The following GRK3 variants were observed in gnomAD, a reference collection of about 807,000 sequenced individuals.
GRK3 encodes the protein G protein-coupled receptor kinase 3, also known as adrenergic, beta, receptor kinase 2.
In GRK3, 54 loss-of-function variants were observed where a neutral mutation model predicts 95.7. The observed-to-expected ratio is 0.56, with a 90% confidence interval of 0.45 to 0.71. The LOEUF is 0.71. Ranked by LOEUF, GRK3 falls within the 30% of genes least tolerant of loss-of-function variation. The pLI, the probability that GRK3 is intolerant of heterozygous loss-of-function variation, is 0.00. For missense variants in GRK3, 649 were observed against 851.2 expected (o/e 0.76, Z 2.96); for synonymous variants, 281 against 290.8 (o/e 0.97, Z 0.34).
chr22:25,586,276 G>A (rs1358402790), intron 1 of GRK3, among the ~76,000 whole-genome samples: 1 of 152,258 alleles, frequency 6.6e-6, no homozygotes, highest in Non-Finnish European at 1.5e-5. Context: ...TTAACAGTTA[G>A]AAAGAGTGAA....
At chr22:25,634,997 A>G (rs1439039868) in intron 2 of GRK3, among the ~76,000 whole-genome samples, 1 of 152,172 alleles carries the variant, frequency 6.6e-6, no homozygotes, top group Non-Finnish European at 1.5e-5. Context: ...TGGTATGAGG[A>G]ATTTTGTATA....
At chr22:25,702,284 A>T (rs1053978076) in intron 13 of GRK3, among the ~76,000 whole-genome samples, 1 of 152,246 alleles carries the variant, frequency 6.6e-6, no homozygotes, top group Non-Finnish European at 1.5e-5. Context: ...TTAATTCAGT[A>T]GGATGACCAG....
intron 8 of GRK3, among the ~76,000 whole-genome samples, chr22:25,677,190 C>T (rs1002079993): frequency 6.6e-6 from 1 of 151,712 alleles, no homozygotes; most frequent in Non-Finnish European, 1.5e-5. Context: ...ATGAGACTCT[C>T]ATCTCTAAAA....
chr22:25,573,079 G>C (rs951902591), intron 1 of GRK3, among the ~76,000 whole-genome samples: 1 of 152,176 alleles, frequency 6.6e-6, no homozygotes, highest in Non-Finnish European at 1.5e-5. Context: ...AACAAGTTTA[G>C]TTCCTCAAAT....
intron 1 of GRK3, among the ~76,000 whole-genome samples, chr22:25,583,087 T>C (rs1454739183): frequency 6.6e-6 from 1 of 152,202 alleles, no homozygotes; most frequent in African/African-American, 2.4e-5. Flanking sequence ...AATTCCTAAC[T>C]GGCTCTTGTC....
At chr22:25,608,426 A>G (rs1211245080) in intron 2 of GRK3, among the ~76,000 whole-genome samples, 3 of 152,190 alleles carry the variant, frequency 2.0e-5, no homozygotes, top group African/African-American at 7.2e-5. Flanking sequence ...CATGCGTAAC[A>G]TGGCTAAAAG....
At chr22:25,643,796 G>A (rs1307338908) in intron 2 of GRK3, among the ~76,000 whole-genome samples, 2 of 152,166 alleles carry the variant, frequency 1.3e-5, no homozygotes. Flanking sequence ...TGTTGGAAAG[G>A]CTAAGTAAAC....
intron 7 of GRK3, among the ~76,000 whole-genome samples, chr22:25,674,070 G>A (rs529363280): frequency 1.1e-4 from 16 of 152,164 alleles, no homozygotes; most frequent in African/African-American, 3.1e-4. Flanking sequence ...ATTAGGCTTC[G>A]GAGTAGCTAA....
At chr22:25,670,291 C>T (rs1378812896) in intron 6 of GRK3, among the ~76,000 whole-genome samples, 4 of 151,924 alleles carry the variant, frequency 2.6e-5, no homozygotes, top group Admixed American at 1.3e-4. Flanking sequence ...GCTAGGGCTT[C>T]GACACCAGCC....
At chr22:25,659,064 T>C (rs979673597) in intron 3 of GRK3, among the ~76,000 whole-genome samples, 1 of 152,108 alleles carries the variant, frequency 6.6e-6, no homozygotes, top group Non-Finnish European at 1.5e-5. Flanking sequence ...ACTGTGGGAC[T>C]ACATAGCTTT....
At chr22:25,604,311 C>T (rs2084429122) in intron 1 of GRK3, 66 bp from the exon 2 acceptor site, 3 of 1,186,420 alleles carry the variant, frequency 2.5e-6, no homozygotes, top group East Asian at 2.4e-5. Context: ...GTATCTCTTC[C>T]ATCCTGGGGA....
At chr22:25,614,363 G>T (rs2084522136) in intron 2 of GRK3, among the ~76,000 whole-genome samples, 1 of 152,110 alleles carries the variant, frequency 6.6e-6, no homozygotes, top group Non-Finnish European at 1.5e-5. Flanking sequence ...TGGACTCCTG[G>T]GCTCAAGAGA....
At chr22:25,566,060 C>T (rs1324494809) in intron 1 of GRK3, among the ~76,000 whole-genome samples, 1 of 151,918 alleles carries the variant, frequency 6.6e-6, no homozygotes, top group African/African-American at 2.4e-5. Context: ...TTAGCACTTC[C>T]CCAGAAAAAA....
At chr22:25,622,084 C>G (rs1415716816) in intron 2 of GRK3, among the ~76,000 whole-genome samples, 1 of 152,084 alleles carries the variant, frequency 6.6e-6, no homozygotes, top group African/African-American at 2.4e-5. Context: ...CAATAAGATC[C>G]CCAGCAGAAG....
chr22:25,624,915 A>G (rs1601483437), intron 2 of GRK3, among the ~76,000 whole-genome samples: 1 of 150,302 alleles, frequency 6.7e-6, no homozygotes, highest in South Asian at 2.1e-4. Context: ...TAGATGATGA[A>G]TCTCTTTTTT....
intron 2 of GRK3, among the ~76,000 whole-genome samples, chr22:25,617,427 C>G (rs1037991441): frequency 1.4e-4 from 22 of 152,132 alleles, no homozygotes; most frequent in Admixed American, 8.5e-4. Flanking sequence ...ACCCGATTTC[C>G]TATTCATGAG....
intron 19 of GRK3, among the ~76,000 whole-genome samples, chr22:25,720,718 A>G (rs878872689): frequency 2.6e-5 from 4 of 151,646 alleles, no homozygotes; most frequent in African/African-American, 9.7e-5. Flanking sequence ...CTCGTGATGC[A>G]CCCGCCTCGG....
intron 1 of GRK3, among the ~76,000 whole-genome samples, chr22:25,594,880 A>AAAAT (rs1569157526): frequency 6.6e-6 from 1 of 152,108 alleles, no homozygotes; most frequent in Non-Finnish European, 1.5e-5. Flanking sequence ...CTCCATCTCA[A>AAAAT]AAATAAATAA....
chr22:25,581,581 G>C (rs1472604468), intron 1 of GRK3, among the ~76,000 whole-genome samples: 1 of 151,968 alleles, frequency 6.6e-6, no homozygotes, highest in Non-Finnish European at 1.5e-5. Flanking sequence ...TAAGAGTCCC[G>C]ACTAATCCAA....
Sources: gnomAD v4.1 joint callset for allele counts (sites outside exome capture counted in the v4.1 genomes callset) on GRCh38, gnomAD v4.1.1 for gene constraint, MANE v1.5 for transcripts, NCBI Gene and HGNC (gene_info 2026-07-23, HGNC 2026-07-21) for gene names.